Variants in CHRM2 observed in about 807,000 individuals in gnomAD.
CHRM2 encodes the protein muscarinic acetylcholine receptor M2.
In CHRM2, 8 loss-of-function variants were observed where a neutral mutation model predicts 25.0. That is an observed-to-expected ratio of 0.32 (90% confidence interval 0.19 to 0.58). The LOEUF is 0.58. CHRM2 is among the 20% of genes least tolerant of loss of function. CHRM2 has a pLI of 0.88. For missense variants in CHRM2, 440 were observed against 567.1 expected (o/e 0.78, Z 2.28); for synonymous variants, 202 against 205.7 (o/e 0.98, Z 0.15).
chr7:137,003,488 A>T (rs1322825103), intron 3 of CHRM2, among the ~76,000 whole-genome samples: 74 of 6,922 alleles, frequency 0.011, 1 homozygote, highest in East Asian at 0.09. Flanking sequence ...ACACACACAC[A>T]CACACACACA....
chr7:136,980,544 A>G (rs1021434935), intron 2 of CHRM2, among the ~76,000 whole-genome samples: 1 of 152,214 alleles, frequency 6.6e-6, no homozygotes, highest in South Asian at 2.1e-4. Context: ...AAATGCTTCC[A>G]GCATTTTCCC....
intron 2 of CHRM2, among the ~76,000 whole-genome samples, chr7:136,903,636 T>C (rs575263989): frequency 3.7e-4 from 57 of 152,126 alleles, no homozygotes; most frequent in African/African-American, 1.4e-3. Flanking sequence ...TTAAATTTAT[T>C]GGATTTCTAA....
At chr7:136,993,736 C>A (rs976882639) in intron 3 of CHRM2, among the ~76,000 whole-genome samples, 1 of 152,062 alleles carries the variant, frequency 6.6e-6, no homozygotes, top group Non-Finnish European at 1.5e-5. Flanking sequence ...CCTCAGAACC[C>A]ATTCCAAAGT....
At chr7:136,991,767 A>G (rs530982125) in intron 2 of CHRM2, among the ~76,000 whole-genome samples, 1 of 152,254 alleles carries the variant, frequency 6.6e-6, no homozygotes, top group South Asian at 2.1e-4. Flanking sequence ...TCAATTTTCA[A>G]TGATTCTGTA....
chr7:137,015,017 A>G lies in CHRM2; in HGVS notation c.152A>G (p.Asn51Ser). ...NILVMVSIKV[N>S]RHLQTVNNYF... ...CTAGTCATGGTTTCCATTAAAGTCA[A>G]CCGCCACCTCCAGACCGTCAACAAT... Residue 51 changes from asparagine to serine, a missense_variant, in exon 4 of 4, where the codon AAC (asparagine) becomes AGC (serine). This residue lies in a region of CHRM2 where 86 missense variants were observed against 124.9 expected (regional missense o/e 0.69). Coordinates refer to ENST00000680005, the MANE Select transcript of CHRM2 (RefSeq NM_001006630.2). This position sits in a 1 kb window ranked among gnomAD's most constrained non-coding sequence, Gnocchi z 5.1. The G allele has an allele frequency of 6.2e-7, 1 of 1,613,328 alleles. No homozygotes were observed. The highest frequency in any genetic ancestry group is 8.5e-7 in the Non-Finnish European group (1 of 1,179,558).
intron 2 of CHRM2, chr7:136,938,261 T>C: frequency 1.1e-6 from 1 of 880,836 alleles, no homozygotes; most frequent in Non-Finnish European, 1.9e-6. Context: ...CAGAAACTTT[T>C]AAAAGAAGAG....
At chr7:136,915,623 T>C (rs1798062545) in intron 2 of CHRM2, among the ~76,000 whole-genome samples, 1 of 151,842 alleles carries the variant, frequency 6.6e-6, no homozygotes, top group Non-Finnish European at 1.5e-5. Flanking sequence ...ATATATCAAC[T>C]AGTTCCAATG....
chr7:136,921,790 C>CTTTTTTTTTTTTTTTTTTTTTT lies in CHRM2; in HGVS notation c.-125+52375_-125+52376insTTTTTTTTTTTTTTTTTTTTTT, dbSNP rs201063228. 3.0e-4 allele frequency among the ~76,000 whole-genome samples: 34 copies of CTTTTTTTTTTTTTTTTTTTTTT among 114,046 alleles called. 2 individuals carry two copies. Among genetic ancestry groups the CTTTTTTTTTTTTTTTTTTTTTT allele is most frequent in the South Asian group, 7.4e-4 (3 of 4,030 alleles). 74.8% of individuals were successfully genotyped at this position (114,046 alleles called of 152,430 possible). On this transcript the variant is annotated intron_variant, in intron 2 of 3. Coordinates refer to ENST00000680005, the MANE Select transcript of CHRM2 (RefSeq NM_001006630.2). ...ATTTTCTTTCTTTCTTTCTTTCTTT[C>CTTTTTTTTTTTTTTTTTTTTTT]TTTCTTTTTTTTGAGACAGATTCTC...
intron 2 of CHRM2, among the ~76,000 whole-genome samples, chr7:136,876,335 C>T (rs796707643): frequency 2.0e-5 from 3 of 151,962 alleles, no homozygotes; most frequent in Non-Finnish European, 4.4e-5. Flanking sequence ...ATACAGATGA[C>T]GTGAGAATAG....
intron 2 of CHRM2, among the ~76,000 whole-genome samples, chr7:136,906,699 T>C (rs1211124912): frequency 2.6e-5 from 4 of 151,806 alleles, no homozygotes; most frequent in Non-Finnish European, 5.9e-5. Flanking sequence ...ATATTTCCAT[T>C]GCCTTCACAT....
intron 2 of CHRM2, among the ~76,000 whole-genome samples, chr7:136,931,058 A>G (rs1440904362): frequency 6.6e-6 from 1 of 152,128 alleles, no homozygotes; most frequent in Non-Finnish European, 1.5e-5. Context: ...TCTCCTTACT[A>G]CTAGGATTAT....
intron 2 of CHRM2, among the ~76,000 whole-genome samples, chr7:136,932,428 G>C (rs1799160024): frequency 6.6e-6 from 1 of 152,124 alleles, no homozygotes; most frequent in African/African-American, 2.4e-5. Context: ...CAGAAGTGGA[G>C]CGTACCCTAC....
At position 137,015,631 on chromosome 7, in the gene CHRM2, G is replaced by A; in HGVS notation, c.766G>A (p.Glu256Lys). The A allele has an allele frequency of 6.2e-7, 1 of 1,612,898 alleles. No homozygotes were observed. Among genetic ancestry groups the A allele is most frequent in the Non-Finnish European group, 8.5e-7 (1 of 1,179,498 alleles). The part of the protein sequence containing the change: ...NNMPSSDDGL[E>K]HNKIQNGKAP... ...CATGCCCAGCAGTGACGATGGCCTG[G>A]AGCACAACAAAATCCAGAATGGCAA... The change falls in exon 4 of 4, where the codon GAG (glutamate) becomes AAG (lysine). Residue 256 changes from glutamate to lysine, a missense_variant. Coordinates refer to ENST00000680005, the MANE Select transcript of CHRM2 (RefSeq NM_001006630.2). This position sits in a 1 kb window ranked among gnomAD's most constrained non-coding sequence, Gnocchi z 5.1.
intron 2 of CHRM2, among the ~76,000 whole-genome samples, chr7:136,971,061 T>G (rs1801734887): frequency 6.6e-6 from 1 of 152,228 alleles, no homozygotes; most frequent in Non-Finnish European, 1.5e-5. Context: ...AATAAATAGT[T>G]TGAACATTGA....
At chr7:136,988,330 C>T (rs1802993693) in intron 2 of CHRM2, among the ~76,000 whole-genome samples, 1 of 151,832 alleles carries the variant, frequency 6.6e-6, no homozygotes, top group South Asian at 2.1e-4. Flanking sequence ...AGGGAAAAAG[C>T]TGCAGGACAG....
intron 2 of CHRM2, among the ~76,000 whole-genome samples, chr7:136,911,119 T>G (rs1366274062): frequency 6.6e-6 from 1 of 151,818 alleles, no homozygotes; most frequent in Non-Finnish European, 1.5e-5. Context: ...AGTGAGTAAT[T>G]TTTTTTATTC....
chr7:136,896,384 C>G (rs1796902832), intron 2 of CHRM2, among the ~76,000 whole-genome samples: 1 of 152,156 alleles, frequency 6.6e-6, no homozygotes, highest in African/African-American at 2.4e-5. Context: ...TCTAGAACAG[C>G]ATTAAACGAA....
chr7:136,967,861 T>C (rs1801512647), intron 2 of CHRM2, among the ~76,000 whole-genome samples: 1 of 152,022 alleles, frequency 6.6e-6, no homozygotes, highest in Non-Finnish European at 1.5e-5. Context: ...TGATTCCATA[T>C]ATTTCTGTCT....
intron 2 of CHRM2, among the ~76,000 whole-genome samples, chr7:136,956,457 G>A (rs1315803065): frequency 6.6e-6 from 1 of 152,132 alleles, no homozygotes; most frequent in African/African-American, 2.4e-5. Flanking sequence ...AGTGGGTATA[G>A]ATAGCAACAG....
Sources: gnomAD v4.1 joint callset for allele counts (sites outside exome capture counted in the v4.1 genomes callset) on GRCh38, gnomAD v4.1.1 for gene constraint, gnomAD v4.1.1 regional missense constraint, Gnocchi (gnomAD v3.1) non-coding constraint, MANE v1.5 for transcripts, NCBI Gene and HGNC (gene_info 2026-07-23, HGNC 2026-07-21) for gene names.